The following WNK1 variants were observed in gnomAD, a reference collection of about 807,000 sequenced individuals.
WNK1 encodes the protein serine/threonine-protein kinase WNK1.
A neutral mutation model predicts 222.8 loss-of-function variants in WNK1; 38 were observed. That is an observed-to-expected ratio of 0.17 (90% CI 0.13 to 0.22). WNK1 has a LOEUF of 0.22. WNK1 is among the 10% of genes least tolerant of loss of function. WNK1 has a pLI of 1.00. For missense variants in WNK1, 2,348 were observed against 2,918.4 expected (o/e 0.80, Z 4.50); for synonymous variants, 1,090 against 1,092.9 (o/e 1.00, Z 0.05).
rs1429709600 is a variant in WNK1 at position 883,549 on chromosome 12, A to G, written c.3644A>G (p.Tyr1215Cys). The G allele has an allele frequency of 6.2e-6, 10 of 1,614,178 alleles. No homozygotes were observed. The highest frequency in any genetic ancestry group is 1.6e-4 in the Middle Eastern group (1 of 6,062). The change falls in exon 16 of 28, where the codon TAT becomes TGT. Residue 1215 changes from tyrosine (Y) to cysteine (C), a missense_variant. Transcript: ENST00000315939. The stretch of plus-strand genomic sequence containing the variant: ...GAGAGTCTACAAGGAAAGGATGACT[A>G]TGGCTTTTCAGGTTCTCAGGTAGGT... ...GLESLQGKDD[Y>C]GFSGSQKLEG...
At chr12:860,182 T>C (rs1037815232) in intron 6 of WNK1, among the ~76,000 whole-genome samples, 19 of 152,202 alleles carry the variant, frequency 1.2e-4, no homozygotes, top group African/African-American at 4.6e-4. Context: ...TGACAAGTTA[T>C]GTTTCTACAT....
rs1954854216 is a variant in WNK1 at position 897,493 on chromosome 12, T to G, written c.6260T>G (p.Ile2087Ser). 5.6e-6 allele frequency: 9 copies of G among 1,599,954 alleles called. No homozygotes were observed. Among genetic ancestry groups the G allele is most frequent in the Non-Finnish European group, 7.7e-6 (9 of 1,167,130 alleles). ...RRLRDKHLKEIQDLQSRQKHE... is the reference protein window; with the variant it reads ...RRLRDKHLKESQDLQSRQKHE... Reference sequence around the variant, plus strand: ...ATCTTTCACAGACATCTCAAAGAGATTCAGGACCTGCAGAGTCGCCAGAAG... The same window carrying G: ...ATCTTTCACAGACATCTCAAAGAGAGTCAGGACCTGCAGAGTCGCCAGAAG... Residue 2087 changes from isoleucine to serine, a missense_variant, in exon 25 of 28, where the codon ATT becomes AGT. This residue lies in a region of WNK1 where 1,144 missense variants were observed against 1,273.6 expected (regional missense o/e 0.90). Coordinates refer to ENST00000315939, the MANE Select transcript of WNK1 (RefSeq NM_018979.4).
chr12:813,384 TGACTTATGTTG>T lies in WNK1; in HGVS notation c.760-255_760-245del, dbSNP rs558872909. ...ATTAAATTGCATGTCTAGCAATTGA[TGACTTATGTTG>T]GATATGGAAAGTTAACTGCACCTTA... On this transcript the variant is annotated intron_variant, in intron 1 of 27. Transcript: ENST00000315939. 4.8e-3 allele frequency among the ~76,000 whole-genome samples: 732 copies of T among 152,376 alleles called. 6 individuals carry two copies. The highest frequency in any genetic ancestry group is 1.0e-2 in the Admixed American group (153 of 15,314).
intron 27 of WNK1, 177 bp downstream of exon 27, chr12:908,211 C>T: frequency 1.1e-6 from 1 of 898,474 alleles, no homozygotes; most frequent in Non-Finnish European, 1.7e-6. Flanking sequence ...GAATTCCTAA[C>T]CTCTTGTTGG....
chr12:854,240 C>T (rs1428726483), intron 4 of WNK1, among the ~76,000 whole-genome samples: 1 of 151,368 alleles, frequency 6.6e-6, no homozygotes, highest in Non-Finnish European at 1.5e-5. Context: ...TGGTGGCACA[C>T]ACCTGTAGTC....
chr12:777,276 C>T (rs573016798), intron 1 of WNK1, among the ~76,000 whole-genome samples: 2 of 151,648 alleles, frequency 1.3e-5, no homozygotes, highest in African/African-American at 4.8e-5. Flanking sequence ...AATTCTGCCT[C>T]AGCCTCCTCA....
chr12:852,427 T>C (rs1950487461), intron 4 of WNK1, among the ~76,000 whole-genome samples: 1 of 152,168 alleles, frequency 6.6e-6, no homozygotes, highest in Non-Finnish European at 1.5e-5. Flanking sequence ...AAAAATAAGC[T>C]ACTGTCCCAT....
chr12:857,278 A>T (rs186570305), intron 5 of WNK1, 29 bp downstream of exon 5: 209 of 1,591,282 alleles, frequency 1.3e-4, no homozygotes, highest in Non-Finnish European at 1.8e-4. Context: ...TCTGGGTGAT[A>T]CTTGAACAAA....
rs1953610633 is a variant in WNK1, at chr12:886,015, A to G, written c.5211A>G (p.Pro1737=). Residue 1737 remains proline, a synonymous_variant, in exon 19 of 28, where the codon CCA becomes CCG. Coordinates refer to ENST00000315939, the MANE Select transcript of WNK1 (RefSeq NM_018979.4). ...PVVTPGQVST[P]VSTTTSGVKP... is the part of the protein sequence containing the mutation. ...TCACACCTGGGCAAGTTTCTACCCC[A>G]GTCAGCACTACTACATCAGGAGTGA... is the stretch of plus-strand genomic sequence containing the variant. 2.5e-6 allele frequency: 4 copies of G among 1,595,174 alleles called. No homozygotes were observed. Among genetic ancestry groups the G allele is most frequent in the Non-Finnish European group, 1.7e-6 (2 of 1,173,488 alleles).
intron 1 of WNK1, among the ~76,000 whole-genome samples, chr12:804,378 A>T (rs1347872307): frequency 1.3e-5 from 2 of 151,812 alleles, no homozygotes; most frequent in African/African-American, 4.8e-5. Flanking sequence ...AATTACTATC[A>T]TCCATATCTA....
intron 1 of WNK1, among the ~76,000 whole-genome samples, chr12:797,153 C>A (rs912274163): frequency 1.3e-5 from 2 of 152,110 alleles, no homozygotes; most frequent in African/African-American, 4.8e-5. Context: ...ATAAATGTTT[C>A]TTTAAAGAAT....
At chr12:889,260 C>G (rs774941308) in intron 21 of WNK1, 37 bp downstream of exon 21, 3 of 1,535,794 alleles carry the variant, frequency 2.0e-6, no homozygotes, top group Non-Finnish European at 2.7e-6. Flanking sequence ...CTCCTCATAA[C>G]CCTAATATAT....
chr12:896,320 C>T lies in WNK1; in HGVS notation c.5833C>T (p.Arg1945Cys), dbSNP rs117016551. 613 of 1,614,162 alleles carry T rather than the reference C, an allele frequency of 3.8e-4. 3 individuals carry two copies. In the East Asian group the frequency reaches 0.013, roughly 34 times the overall value. The change falls in exon 24 of 28, where the codon CGT becomes TGT. Residue 1945 changes from arginine to cysteine, a missense_variant. Physicochemically the swap from Arg to Cys is radical, Grantham distance 180 (BLOSUM62 -3). Coordinates refer to ENST00000315939, the MANE Select transcript of WNK1 (RefSeq NM_018979.4). Reference protein sequence around the residue: ...SDTGQPTKVGRFQVTTTANKV... With the variant: ...SDTGQPTKVGCFQVTTTANKV... ...CACTGGGCAGCCTACCAAGGTTGGA[C>T]GTTTTCAGGTGACAACTACAGCAAA...
At chr12:789,624 C>T (rs1413499875) in intron 1 of WNK1, among the ~76,000 whole-genome samples, 1 of 151,256 alleles carries the variant, frequency 6.6e-6, no homozygotes, top group Non-Finnish European at 1.5e-5. Context: ...CCTCAAACTC[C>T]TGGGCTCAAG....
chr12:879,802 G>T lies in WNK1; in HGVS notation c.2603G>T (p.Gly868Val). 6.2e-7 allele frequency: 1 copy of T among 1,614,028 alleles called. No individual in the cohort carries two copies. The highest frequency in any genetic ancestry group is 8.5e-7 in the Non-Finnish European group (1 of 1,180,014). The change falls in exon 11 of 28, where the codon GGC (glycine) becomes GTC (valine). Residue 868 changes from glycine (G) to valine (V), a missense_variant. Around this residue, in one of 13 missense-constraint regions of WNK1, gnomAD observed 547 missense variants for 558.3 expected, o/e 0.98. Coordinates refer to ENST00000315939, the MANE Select transcript of WNK1 (RefSeq NM_018979.4). ...FSSLPITMAA[G>V]ITQPLLTLAS... ...TCCCTTCCCATCACAATGGCAGCTG[G>T]CATTACTCAGCCTCTGCTCACGTTG...
chr12:813,391 T>C (rs577323860), intron 1 of WNK1, among the ~76,000 whole-genome samples: 17 of 150,898 alleles, frequency 1.1e-4, no homozygotes, highest in South Asian at 4.1e-4. Context: ...TGATGACTTA[T>C]GTTGGATATG....
intron 2 of WNK1, among the ~76,000 whole-genome samples, chr12:816,527 C>G (rs1028213735): frequency 6.6e-6 from 1 of 151,930 alleles, no homozygotes; most frequent in Non-Finnish European, 1.5e-5. Flanking sequence ...CTGATTTGGC[C>G]TCATCCCGAT....
intron 1 of WNK1, 77 bp downstream of exon 1, chr12:754,401 C>G (rs572639262): frequency 6.3e-7 from 1 of 1,586,092 alleles, no homozygotes; most frequent in East Asian, 2.2e-5. Flanking sequence ...ATCGAGTTCA[C>G]CCTTCACTTG....
In WNK1 at chr12:820,771, T is replaced by C. The variant is rs547169884; in HGVS notation, c.933-6271T>C. On this transcript the variant is annotated intron_variant, in intron 2 of 27. Coordinates refer to ENST00000315939, the MANE Select transcript of WNK1 (RefSeq NM_018979.4). The stretch of plus-strand genomic sequence containing the variant: ...GATTACAGGTGTGTGCCACCACACC[T>C]AGCCATTCTTTGGGATTTTTATATA... 6.6e-5 allele frequency among the ~76,000 whole-genome samples: 10 copies of C among 152,302 alleles called. No individual in the cohort carries two copies. In the South Asian group the frequency reaches 2.1e-3, roughly 32 times the overall value.
Sources: allele counts gnomAD v4.1 joint callset (sites outside exome capture counted in the v4.1 genomes callset), GRCh38; gene constraint gnomAD v4.1.1; regional missense constraint gnomAD v4.1.1; transcripts MANE v1.5; gene names NCBI Gene and HGNC (gene_info 2026-07-23, HGNC 2026-07-21).